Variants in PPP1R42 observed in about 807,000 individuals in gnomAD.
PPP1R42 encodes the protein leucine rich repeat containing 67.
PPP1R42 carries 34 observed loss-of-function variants against 31.0 expected under a neutral mutation model. The observed-to-expected ratio is 1.10, with a 90% CI of 0.83 to 1.46. PPP1R42 has a LOEUF of 1.46. PPP1R42 is among the 40% of genes most tolerant of loss of function. The pLI, the probability that PPP1R42 is intolerant of heterozygous loss-of-function variation, is 0.00. For missense variants in PPP1R42, 268 were observed against 303.0 expected (o/e 0.88, Z 0.86); for synonymous variants, 103 against 109.8 (o/e 0.94, Z 0.39).
intron 2 of PPP1R42, among the ~76,000 whole-genome samples, chr8:67,015,320 T>C (rs1300454658): frequency 1.3e-5 from 2 of 152,134 alleles, no homozygotes; most frequent in African/African-American, 4.8e-5. Context: ...CCCAGCCTCA[T>C]AGATTAATTT....
Position 66,982,194 on chromosome 8 carries a change from C to A in PPP1R42, c.671-14G>T. The A allele has an allele frequency of 1.5e-6, 2 of 1,309,700 alleles. No homozygotes were observed. Among genetic ancestry groups the A allele is most frequent in the Non-Finnish European group, 1.0e-6 (1 of 999,432 alleles). 81.1% of individuals were successfully genotyped at this position (1,309,700 alleles called of 1,614,324 possible). A position where few individuals can be genotyped will look rare whatever the true frequency, so the allele number is the denominator to read the frequency against. On this transcript the variant is annotated splice_polypyrimidine_tract_variant and intron_variant, in intron 6 of 7. Transcript: ENST00000685739. ...CATCAAGAAATTCTGGAGAAAAATACATACATTTAAAAAATACAATATATA... is the reference window on the plus strand; with the variant it reads ...CATCAAGAAATTCTGGAGAAAAATAAATACATTTAAAAAATACAATATATA...
At chr8:67,028,259 C>A (rs1455545085) in intron 1 of PPP1R42, among the ~76,000 whole-genome samples, 2 of 152,228 alleles carry the variant, frequency 1.3e-5, no homozygotes, top group Non-Finnish European at 2.9e-5. Flanking sequence ...GCGACCACCC[C>A]TCCACCTGTG....
chr8:66,970,921 G>A (rs1814522166), intron 7 of PPP1R42: 1 of 1,222,068 alleles, frequency 8.2e-7, no homozygotes. Context: ...TTTGTTTACT[G>A]TGAAGATGTC....
chr8:66,966,304 T>C (rs1476812005), intron 7 of PPP1R42, among the ~76,000 whole-genome samples: 2 of 152,082 alleles, frequency 1.3e-5, no homozygotes, highest in African/African-American at 4.8e-5. Flanking sequence ...GTGGTTTTCT[T>C]TGAGAGTCCC....
At chr8:66,994,643 C>T (rs1050574732) in intron 5 of PPP1R42, among the ~76,000 whole-genome samples, 2 of 152,054 alleles carry the variant, frequency 1.3e-5, no homozygotes, top group African/African-American at 4.8e-5. Context: ...ACACAAATTG[C>T]TAAGATGCTT....
chr8:67,028,544 C>G lies in PPP1R42; in HGVS notation c.-138G>C. 1.0e-6 allele frequency: 1 copy of G among 985,516 alleles called. No individual in the cohort carries two copies. Among genetic ancestry groups the G allele is most frequent in the Non-Finnish European group, 1.2e-6 (1 of 829,958 alleles). 61.0% of individuals were successfully genotyped at this position (985,516 alleles called of 1,614,324 possible). On this transcript the variant is annotated 5_prime_UTR_variant, in exon 1 of 8. Transcript: ENST00000685739. ...CCAGTTTGGTCGGTTTCATCGGCGC[C>G]GGGTCCCTACGCAGACCAGCGGCGG...
chr8:66,997,367 A>G (rs1815362430), intron 5 of PPP1R42, among the ~76,000 whole-genome samples: 1 of 151,834 alleles, frequency 6.6e-6, no homozygotes, highest in African/African-American at 2.4e-5. Flanking sequence ...TGCCATGATC[A>G]TGGCTCTCTG....
At chr8:66,982,305 A>T in intron 6 of PPP1R42, 125 bp from the exon 7 acceptor site, 1 of 438,486 alleles carries the variant, frequency 2.3e-6, no homozygotes, top group Non-Finnish European at 3.9e-6. Context: ...ATTTGTTTTT[A>T]AAATACATTA....
chr8:66,971,784 T>C (rs1814544286), intron 7 of PPP1R42, among the ~76,000 whole-genome samples: 2 of 152,234 alleles, frequency 1.3e-5, no homozygotes, highest in Non-Finnish European at 2.9e-5. Flanking sequence ...ATGGCTATAC[T>C]TAGGATAAGA....
intron 1 of PPP1R42, among the ~76,000 whole-genome samples, chr8:67,021,062 T>C (rs1271725799): frequency 1.3e-5 from 2 of 152,230 alleles, no homozygotes; most frequent in African/African-American, 4.8e-5. Context: ...GTTTCCCCAA[T>C]TGTGCTTCAC....
intron 1 of PPP1R42, among the ~76,000 whole-genome samples, chr8:67,023,541 A>G (rs1816287836): frequency 6.6e-6 from 1 of 152,218 alleles, no homozygotes; most frequent in Non-Finnish European, 1.5e-5. Context: ...TTGATTTTAT[A>G]TCCAGCAACA....
At chr8:66,977,775 G>A (rs922205092) in intron 7 of PPP1R42, among the ~76,000 whole-genome samples, 1 of 152,042 alleles carries the variant, frequency 6.6e-6, no homozygotes, top group Admixed American at 6.6e-5. Flanking sequence ...AAAAGTGCTG[G>A]GATTACAGGC....
chr8:67,009,497 G>A (rs897211263), intron 5 of PPP1R42, among the ~76,000 whole-genome samples: 2 of 152,152 alleles, frequency 1.3e-5, no homozygotes, highest in African/African-American at 2.4e-5. Flanking sequence ...GAACCTGGGA[G>A]GCAGAGGTTG....
At chr8:67,019,829 A>G (rs1237121597) in intron 1 of PPP1R42, among the ~76,000 whole-genome samples, 1 of 151,556 alleles carries the variant, frequency 6.6e-6, no homozygotes, top group South Asian at 2.1e-4. Context: ...GGGAGCTTGT[A>G]GTGAGCCGAG....
At chr8:66,976,579 C>T in intron 7 of PPP1R42, among the ~76,000 whole-genome samples, 1 of 148,820 alleles carries the variant, frequency 6.7e-6, no homozygotes, top group South Asian at 2.1e-4. Flanking sequence ...TATCCTCGTT[C>T]TACTTTTTAA....
intron 5 of PPP1R42, among the ~76,000 whole-genome samples, chr8:67,000,836 CTA>C (rs1351513885): frequency 1.3e-5 from 2 of 152,166 alleles, no homozygotes; most frequent in Non-Finnish European, 2.9e-5. Context: ...TATGTTATAC[CTA>C]TCTTTTATAT....
In PPP1R42 at chr8:67,025,784, C is replaced by T. The variant is rs917029928; in HGVS notation, c.-85+2707G>A. 3.3e-5 allele frequency among the ~76,000 whole-genome samples: 5 copies of T among 150,832 alleles called. No homozygotes were observed. The South Asian group carries it at 8.4e-4, about 25-fold the overall frequency. On this transcript the variant is annotated intron_variant, in intron 1 of 7. Coordinates refer to ENST00000685739, the MANE Select transcript of PPP1R42 (RefSeq NM_001364910.1). ...CTTTGGGAGGCCGAGGTGGGCAGAT[C>T]ACTTGAGGTCAGGAGTTCGAGACCA...
chr8:67,018,956 AGTAGC>A (rs984135651), intron 1 of PPP1R42, among the ~76,000 whole-genome samples: 43 of 150,136 alleles, frequency 2.9e-4, no homozygotes, highest in African/African-American at 1.0e-3. Context: ...CAGCCTCCCA[AGTAGC>A]TGGGACTATA....
intron 2 of PPP1R42, among the ~76,000 whole-genome samples, chr8:67,016,379 G>T (rs185615685): frequency 7.2e-5 from 11 of 152,282 alleles, no homozygotes; most frequent in Admixed American, 4.6e-4. Context: ...CTCACCTGTA[G>T]TCTAGCATTT....
Sources: allele counts gnomAD v4.1 joint callset (sites outside exome capture counted in the v4.1 genomes callset), GRCh38; gene constraint gnomAD v4.1.1; transcripts MANE v1.5; gene names NCBI Gene and HGNC (gene_info 2026-07-23, HGNC 2026-07-21).